The following CXADR variants were observed in gnomAD, a reference collection of about 807,000 sequenced individuals.
CXADR encodes coxsackievirus and adenovirus receptor.
Under a neutral mutation model 40.3 loss-of-function variants are expected in CXADR, and 20 were observed. The ratio of observed to expected loss-of-function variants is 0.50; its 90% confidence interval spans 0.35 to 0.72. CXADR has a LOEUF of 0.72. CXADR is among the 30% of genes least tolerant of loss of function. The pLI is 0.01. For synonymous variants in CXADR, 150 were observed against 161.3 expected, an observed-to-expected ratio of 0.93 and a Z score of 0.53; for missense variants, 332 against 449.1, an observed-to-expected ratio of 0.74 and a Z score of 2.36.
the CXADR span, among the ~76,000 whole-genome samples, chr21:17,623,637 G>A: frequency 2.6e-3 from 391 of 152,200 alleles, 1 homozygote; most frequent in Non-Finnish European, 4.1e-3. Context: ...TCTCCACTTG[G>A]ATAGCTGATA....
chr21:17,540,446 G>T (rs1258033370), intron 1 of CXADR, among the ~76,000 whole-genome samples: 1 of 152,158 alleles, frequency 6.6e-6, no homozygotes, highest in Non-Finnish European at 1.5e-5. Flanking sequence ...AAAGCTGAAG[G>T]TGGCAATATT....
At chr21:17,543,182 TCTTC>T (rs2060852093) in intron 1 of CXADR, 3 of 176,332 alleles carry the variant, frequency 1.7e-5, no homozygotes, top group African/African-American at 7.2e-5. Flanking sequence ...TGGACAGTTG[TCTTC>T]CTTAAAATCC....
intron 1 of CXADR, among the ~76,000 whole-genome samples, chr21:17,525,187 A>G (rs1450076061): frequency 6.6e-6 from 1 of 152,230 alleles, no homozygotes; most frequent in African/African-American, 2.4e-5. Flanking sequence ...AAGAAAATGC[A>G]AATTTCTTTG....
At chr21:17,558,189 A>G (rs1198504624) in intron 3 of CXADR, among the ~76,000 whole-genome samples, 1 of 151,944 alleles carries the variant, frequency 6.6e-6, no homozygotes, top group Non-Finnish European at 1.5e-5. Flanking sequence ...GTGCAGTGAC[A>G]TGATCAAAGC....
chr21:17,539,315 G>A (rs1311865930), intron 1 of CXADR, among the ~76,000 whole-genome samples: 1 of 152,168 alleles, frequency 6.6e-6, no homozygotes, highest in Admixed American at 6.5e-5. Flanking sequence ...GTTATTAGAA[G>A]TCTTCCAGCC....
exon 8 of CXADR, chr21:17,593,228 A>G (rs1258008862): frequency 1.4e-6 from 2 of 1,380,718 alleles, no homozygotes; most frequent in Admixed American, 3.2e-5. Flanking sequence ...GTATTGTATT[A>G]TTTGACTTTA....
At chr21:17,632,491 C>G in the CXADR span, among the ~76,000 whole-genome samples, 1 of 152,168 alleles carries the variant, frequency 6.6e-6, no homozygotes, top group African/African-American at 2.4e-5. Context: ...GGGGTTAGAA[C>G]AGGCTGGTCA....
intron 1 of CXADR, chr21:17,530,336 G>T: frequency 2.3e-6 from 1 of 442,068 alleles, no homozygotes; most frequent in Non-Finnish European, 4.5e-6. Flanking sequence ...TATATAAATA[G>T]AATTTTACAG....
At chr21:17,600,306 C>T in the CXADR span, among the ~76,000 whole-genome samples, 1 of 152,024 alleles carries the variant, frequency 6.6e-6, no homozygotes, top group Non-Finnish European at 1.5e-5. Flanking sequence ...TATTGTTAAG[C>T]GGTTCTTACA....
the CXADR span, among the ~76,000 whole-genome samples, chr21:17,620,781 T>A: frequency 6.6e-5 from 10 of 151,816 alleles, no homozygotes; most frequent in African/African-American, 2.2e-4. Context: ...TCAGAACCAA[T>A]AGGAGGCACA....
chr21:17,551,940 T>C lies in CXADR; in HGVS notation c.402T>C (p.His134=), dbSNP rs200525522. The C allele has an allele frequency of 5.0e-6, 8 of 1,612,778 alleles. No individual in the cohort carries two copies. In the East Asian group the frequency reaches 1.3e-4, roughly 27 times the overall value. The change falls in exon 3 of 7, where the codon CAT becomes CAC. Residue 134 remains histidine, a synonymous_variant. Coordinates refer to ENST00000284878, the MANE Select transcript of CXADR (RefSeq NM_001338.5). ...KAPGVANKKI[H]LVVLVKPSGA... is the part of the protein sequence containing the mutation. ...CTGGTGTTGCAAATAAGAAGATTCA[T>C]CTGGTAGTTCTTGGTAAGTTATTTT... is the stretch of plus-strand genomic sequence containing the variant.
the CXADR span, among the ~76,000 whole-genome samples, chr21:17,610,104 T>C: frequency 1.3e-5 from 2 of 152,208 alleles, no homozygotes; most frequent in Non-Finnish European, 1.5e-5. Context: ...ATTCCATTGA[T>C]ATGAAATATC....
the CXADR span, chr21:17,608,798 C>T: frequency 9.1e-5 from 54 of 594,762 alleles, no homozygotes; most frequent in East Asian, 7.9e-4. Context: ...TCCACCACTC[C>T]GCCAACAAAT....
At chr21:17,553,249 C>G (rs1414834857) in intron 3 of CXADR, among the ~76,000 whole-genome samples, 3 of 152,194 alleles carry the variant, frequency 2.0e-5, no homozygotes, top group Admixed American at 1.3e-4. Flanking sequence ...GCACCCAACA[C>G]TTAACTACTC....
chr21:17,537,943 G>A (rs954886782), intron 1 of CXADR, among the ~76,000 whole-genome samples: 5 of 152,132 alleles, frequency 3.3e-5, no homozygotes, highest in Admixed American at 6.5e-5. Context: ...TCTGGAGGAA[G>A]GGGCTGAACT....
the CXADR span, among the ~76,000 whole-genome samples, chr21:17,627,721 A>G: frequency 6.6e-6 from 1 of 152,212 alleles, no homozygotes; most frequent in African/African-American, 2.4e-5. Context: ...GATAAAAGCA[A>G]TGTTAGGAAA....
chr21:17,592,997 C>T (rs189262930), intron 7 of CXADR, among the ~76,000 whole-genome samples: 5 of 151,976 alleles, frequency 3.3e-5, no homozygotes, highest in Admixed American at 1.3e-4. Flanking sequence ...GATTTATTAG[C>T]AAGTTGTGAT....
At chr21:17,523,399 G>T (rs1023182164) in intron 1 of CXADR, among the ~76,000 whole-genome samples, 1 of 152,152 alleles carries the variant, frequency 6.6e-6, no homozygotes, top group African/African-American at 2.4e-5. Context: ...AGGTGAGCAG[G>T]GCTGGGCTCT....
At chr21:17,609,195 A>G in the CXADR span, 2 of 1,572,532 alleles carry the variant, frequency 1.3e-6, no homozygotes, top group Non-Finnish European at 1.7e-6. Flanking sequence ...CAAAATATAA[A>G]AACTGGGAAG....
Sources: allele counts gnomAD v4.1 joint callset (sites outside exome capture counted in the v4.1 genomes callset), GRCh38; gene constraint gnomAD v4.1.1; transcripts MANE v1.5; gene names NCBI Gene and HGNC (gene_info 2026-07-23, HGNC 2026-07-21).